CCDC149: variants seen among roughly 807,000 people sequenced by gnomAD.
CCDC149 encodes the protein coiled-coil domain containing 149.
A neutral mutation model predicts 59.9 loss-of-function variants in CCDC149; 45 were observed. The ratio of observed to expected loss-of-function variants is 0.75; its 90% CI spans 0.59 to 0.96. CCDC149 has a LOEUF of 0.96. Among genes scored for constraint, CCDC149 ranks in the 40% least tolerant of loss-of-function variants. The pLI, the probability that CCDC149 is intolerant of heterozygous loss-of-function variation, is 0.00. For missense variants in CCDC149, 584 were observed against 664.7 expected, an observed-to-expected ratio of 0.88 and a Z score of 1.33; for synonymous variants, 245 against 260.6, an observed-to-expected ratio of 0.94 and a Z score of 0.58.
intron 1 of CCDC149, among the ~76,000 whole-genome samples, chr4:24,933,746 G>A (rs933846596): frequency 2.0e-5 from 3 of 152,168 alleles, no homozygotes; most frequent in Admixed American, 6.5e-5. Flanking sequence ...TAAACAGAAT[G>A]AAGAGTTAGA....
intron 1 of CCDC149, among the ~76,000 whole-genome samples, chr4:24,893,836 C>T (rs1174953488): frequency 6.6e-6 from 1 of 151,776 alleles, no homozygotes; most frequent in South Asian, 2.1e-4. Flanking sequence ...AAACTCCTGA[C>T]CTCAGGTGAT....
In CCDC149 at chr4:24,808,397, T is replaced by G. The variant is rs2109081299; in HGVS notation, c.1615A>C (p.Lys539Gln). The change falls in exon 13 of 13, where the codon AAA (lysine) becomes CAA (glutamine). Residue 539 changes from lysine (K) to glutamine (Q), a missense_variant. By Grantham distance (53) the Lys-to-Gln change is moderately conservative. Coordinates refer to ENST00000635206, the MANE Select transcript of CCDC149 (RefSeq NM_001330643.2). ...TCAGATCCCTCTCCCCTTCAGGTTT[T>G]CACGGTGCTCCTCATGCCTCCGCCC... 2 of 1,450,140 alleles carry G rather than the reference T, an allele frequency of 1.4e-6. No individual in the cohort carries two copies. Among genetic ancestry groups the G allele is most frequent in the Middle Eastern group, 3.6e-4 (2 of 5,514 alleles). The allele number at this position is 1,450,140 out of a possible 1,614,324, so 89.8% of individuals were successfully genotyped here.
chr4:24,936,974 T>G (rs566503166), intron 1 of CCDC149, among the ~76,000 whole-genome samples: 1 of 152,274 alleles, frequency 6.6e-6, no homozygotes, highest in Admixed American at 6.5e-5. Flanking sequence ...CCGAGGTAAT[T>G]TTTGGTGGTG....
intron 1 of CCDC149, among the ~76,000 whole-genome samples, chr4:24,922,117 C>A (rs893444558): frequency 2.6e-5 from 4 of 152,140 alleles, no homozygotes; most frequent in Non-Finnish European, 5.9e-5. Flanking sequence ...TATAAGGACA[C>A]CTGTCATATT....
At chr4:24,901,318 C>T (rs1721154156) in intron 1 of CCDC149, among the ~76,000 whole-genome samples, 1 of 151,744 alleles carries the variant, frequency 6.6e-6, no homozygotes, top group South Asian at 2.1e-4. Context: ...GTACTAAAGC[C>T]CCAGTATGGT....
intron 3 of CCDC149, among the ~76,000 whole-genome samples, chr4:24,872,243 T>A (rs1027452760): frequency 6.6e-6 from 1 of 152,198 alleles, no homozygotes; most frequent in Non-Finnish European, 1.5e-5. Flanking sequence ...ATTGGTTTGG[T>A]CAATAAACAG....
chr4:24,824,919 T>C (rs1431277394), intron 9 of CCDC149, among the ~76,000 whole-genome samples: 3 of 152,182 alleles, frequency 2.0e-5, no homozygotes, highest in Non-Finnish European at 4.4e-5. Context: ...CTTTGCAAAA[T>C]ACAAGCCACA....
At chr4:24,855,351 G>C (rs532068474) in intron 3 of CCDC149, among the ~76,000 whole-genome samples, 1 of 152,240 alleles carries the variant, frequency 6.6e-6, no homozygotes, top group Admixed American at 6.5e-5. Context: ...GATCACCTGA[G>C]GTCAGGAGTT....
chr4:24,923,946 C>T lies in CCDC149; in HGVS notation c.-64-28828G>A, dbSNP rs540456119. Among the ~76,000 whole-genome samples the T allele has an allele frequency of 1.1e-4, 16 of 152,288 alleles. No individual in the cohort carries two copies. The South Asian group carries it at 2.9e-3, about 28-fold the overall frequency. The stretch of plus-strand genomic sequence containing the variant: ...ACAAACTGTGATTCTCTCTTCACCT[C>T]GGATACTGCCCTCAGATGCAGGTTT... On this transcript the variant is annotated intron_variant, in intron 1 of 12. Transcript: ENST00000389609.
intron 3 of CCDC149, among the ~76,000 whole-genome samples, chr4:24,857,462 A>G (rs1236140826): frequency 6.6e-6 from 1 of 152,246 alleles, no homozygotes; most frequent in Non-Finnish European, 1.5e-5. Flanking sequence ...GTATCTTGTC[A>G]TGGACCAGAA....
chr4:24,960,646 A>G (rs917868323), intron 1 of CCDC149, among the ~76,000 whole-genome samples: 2 of 152,250 alleles, frequency 1.3e-5, no homozygotes, highest in African/African-American at 4.8e-5. Context: ...AGCAAAGAAT[A>G]TTAACAGGGA....
At chr4:24,862,403 G>A (rs1383088541) in intron 3 of CCDC149, among the ~76,000 whole-genome samples, 1 of 152,196 alleles carries the variant, frequency 6.6e-6, no homozygotes, top group Admixed American at 6.5e-5. Context: ...TGCCCAAAAA[G>A]AGCAGTTAAT....
intron 1 of CCDC149, among the ~76,000 whole-genome samples, chr4:24,935,608 C>T (rs371138006): frequency 3.2e-4 from 49 of 152,156 alleles, no homozygotes; most frequent in African/African-American, 7.7e-4. Flanking sequence ...ACGTGAGGAC[C>T]GAGTGTGAAG....
chr4:24,852,723 T>G (rs1383398902), intron 4 of CCDC149, among the ~76,000 whole-genome samples: 1 of 152,192 alleles, frequency 6.6e-6, no homozygotes, highest in Non-Finnish European at 1.5e-5. Flanking sequence ...CCAAATCATC[T>G]GAGCCACAAA....
At chr4:24,840,359 G>T (rs1716860527) in intron 4 of CCDC149, among the ~76,000 whole-genome samples, 1 of 152,194 alleles carries the variant, frequency 6.6e-6, no homozygotes, top group Admixed American at 6.5e-5. Flanking sequence ...CTGGTTATAA[G>T]CGATCCTCAT....
chr4:24,911,128 G>A (rs1560252705), intron 1 of CCDC149, among the ~76,000 whole-genome samples: 1 of 152,134 alleles, frequency 6.6e-6, no homozygotes, highest in African/African-American at 2.4e-5. Flanking sequence ...TGCATACAGA[G>A]CTCTGTGTAT....
At chr4:24,863,052 G>C (rs978387967) in intron 3 of CCDC149, among the ~76,000 whole-genome samples, 12 of 152,320 alleles carry the variant, frequency 7.9e-5, no homozygotes, top group Admixed American at 2.0e-4. Flanking sequence ...CAGCACTTTG[G>C]GGGGCTGAGG....
intron 1 of CCDC149, among the ~76,000 whole-genome samples, chr4:24,964,001 C>G (rs144469704): frequency 1.0e-3 from 155 of 152,092 alleles, no homozygotes; most frequent in African/African-American, 3.3e-3. Flanking sequence ...TCAAGGCCAG[C>G]CTGGGAAATA....
chr4:24,958,759 C>T (rs972357340), intron 1 of CCDC149, among the ~76,000 whole-genome samples: 3 of 152,094 alleles, frequency 2.0e-5, no homozygotes, highest in Admixed American at 6.5e-5. Flanking sequence ...AAGCCAGGTG[C>T]GGTGGCTCTA....
Sources: allele counts gnomAD v4.1 joint callset (sites outside exome capture counted in the v4.1 genomes callset), GRCh38; gene constraint gnomAD v4.1.1; transcripts MANE v1.5; gene names NCBI Gene and HGNC (gene_info 2026-07-23, HGNC 2026-07-21).